SUGCT: variants seen among roughly 807,000 people sequenced by gnomAD.
SUGCT encodes the protein succinyl-CoA:glutarate-CoA transferase, also known as succinyl-CoA:glutarate CoA-transferase.
SUGCT carries 41 observed loss-of-function variants against 55.0 expected under a neutral mutation model. The observed-to-expected ratio is 0.74, with a 90% CI of 0.58 to 0.97. The LOEUF is 0.97. SUGCT is among the 50% of genes least tolerant of loss of function. The pLI is 0.00. For synonymous variants in SUGCT, 187 were observed against 200.4 expected, an observed-to-expected ratio of 0.93 and a Z score of 0.56; for missense variants, 568 against 547.8, an observed-to-expected ratio of 1.04 and a Z score of -0.37.
intron 9 of SUGCT, among the ~76,000 whole-genome samples, chr7:40,352,147 T>C (rs1797666105): frequency 2.0e-5 from 3 of 152,262 alleles, no homozygotes; most frequent in Admixed American, 2.0e-4. Flanking sequence ...GTCTGCTTTT[T>C]TTCAAAAGAA....
rs117753034 is a variant in SUGCT, at chr7:40,491,509, T to C, written c.987-4775T>C. On this transcript the variant is annotated intron_variant, in intron 11 of 13. Coordinates refer to ENST00000335693, the MANE Select transcript of SUGCT (RefSeq NM_001193313.2). ...GGTCATGATATCATGGGGATGCTAA[T>C]GCATCTGAATGGAATTATCCTATGA... Among the ~76,000 whole-genome samples the C allele has an allele frequency of 6.7e-3, 1,015 of 152,118 alleles. 3 individuals carry two copies. Among genetic ancestry groups the C allele is most frequent in the Non-Finnish European group, 0.011 (757 of 68,004 alleles).
intron 9 of SUGCT, among the ~76,000 whole-genome samples, chr7:40,323,091 A>T (rs573516269): frequency 1.3e-5 from 2 of 151,560 alleles, no homozygotes; most frequent in Non-Finnish European, 2.9e-5. Context: ...CACCTGGACA[A>T]TTTTCCCATA....
chr7:40,785,959 G>T (rs1312996365), intron 13 of SUGCT, among the ~76,000 whole-genome samples: 1 of 152,038 alleles, frequency 6.6e-6, no homozygotes, highest in Admixed American at 6.6e-5. Flanking sequence ...ATTAGCTAAT[G>T]GTGGTAATGC....
chr7:40,601,427 A>T (rs957502867), intron 12 of SUGCT, among the ~76,000 whole-genome samples: 9 of 152,184 alleles, frequency 5.9e-5, no homozygotes, highest in Non-Finnish European at 1.2e-4. Flanking sequence ...CATGTAATGG[A>T]TTTCTGAGTG....
chr7:40,424,274 G>C (rs1787468738), intron 9 of SUGCT, among the ~76,000 whole-genome samples: 1 of 152,242 alleles, frequency 6.6e-6, no homozygotes, highest in Middle Eastern at 3.4e-3. Flanking sequence ...AATTGAGATG[G>C]TGACAAAAGT....
intron 12 of SUGCT, among the ~76,000 whole-genome samples, chr7:40,742,431 C>A (rs987559858): frequency 6.6e-6 from 1 of 152,074 alleles, no homozygotes; most frequent in Non-Finnish European, 1.5e-5. Context: ...CAGGATGATT[C>A]AAGGGTATTA....
intron 12 of SUGCT, among the ~76,000 whole-genome samples, chr7:40,497,990 A>G (rs895837794): frequency 6.6e-6 from 1 of 152,134 alleles, no homozygotes; most frequent in Non-Finnish European, 1.5e-5. Context: ...TGAATATAGG[A>G]TAATTAGGAT....
intron 9 of SUGCT, among the ~76,000 whole-genome samples, chr7:40,375,484 C>G (rs1261253109): frequency 6.6e-6 from 1 of 152,076 alleles, no homozygotes; most frequent in African/African-American, 2.4e-5. Context: ...GAGTTTCTCT[C>G]CTACTCCCCA....
At chr7:40,881,141 G>A in the SUGCT span, among the ~76,000 whole-genome samples, 5 of 152,110 alleles carry the variant, frequency 3.3e-5, no homozygotes, top group Non-Finnish European at 5.9e-5. Flanking sequence ...TCATGTTTTC[G>A]TGGGTAACAT....
At chr7:40,354,660 A>T (rs1401365636) in intron 9 of SUGCT, among the ~76,000 whole-genome samples, 1 of 152,218 alleles carries the variant, frequency 6.6e-6, no homozygotes, top group African/African-American at 2.4e-5. Context: ...AAATAAAATA[A>T]CCAGGAGATC....
intron 12 of SUGCT, among the ~76,000 whole-genome samples, chr7:40,558,212 G>A (rs1029307091): frequency 1.3e-5 from 2 of 152,064 alleles, no homozygotes; most frequent in Admixed American, 1.3e-4. Context: ...CAGCTTAGTA[G>A]TTTCTCCAGA....
intron 12 of SUGCT, among the ~76,000 whole-genome samples, chr7:40,550,996 C>A (rs779471772): frequency 7.6e-4 from 115 of 152,286 alleles, no homozygotes; most frequent in Non-Finnish European, 5.6e-4. Flanking sequence ...TGTCAGGTGC[C>A]TGTGGCAGCC....
intron 9 of SUGCT, among the ~76,000 whole-genome samples, chr7:40,443,677 G>C (rs566630570): frequency 2.0e-5 from 3 of 152,270 alleles, no homozygotes; most frequent in African/African-American, 7.2e-5. Flanking sequence ...TAGGTTGCCT[G>C]TTCACTCTGA....
intron 9 of SUGCT, among the ~76,000 whole-genome samples, chr7:40,381,122 C>T (rs1784846653): frequency 6.6e-6 from 1 of 151,972 alleles, no homozygotes; most frequent in African/African-American, 2.4e-5. Context: ...TGTTTTATCT[C>T]TTTAGATTCC....
intron 13 of SUGCT, among the ~76,000 whole-genome samples, chr7:40,830,728 T>C (rs1792617673): frequency 6.6e-6 from 1 of 152,220 alleles, no homozygotes; most frequent in African/African-American, 2.4e-5. Context: ...GACCAGCTCA[T>C]TGCAGCCATT....
At position 40,189,599 on chromosome 7, in the gene SUGCT, A is replaced by T. The variant is rs752951817; in HGVS notation, c.363+5A>T. 6.4e-6 allele frequency: 9 copies of T among 1,408,258 alleles called. No homozygotes were observed. The highest frequency in any genetic ancestry group is 3.6e-4 in the Middle Eastern group (2 of 5,518). The allele number at this position is 1,408,258 out of a possible 1,614,324, so 87.2% of individuals were successfully genotyped here. On this transcript the variant is annotated splice_donor_5th_base_variant and intron_variant, in intron 5 of 13. Coordinates refer to ENST00000335693, the MANE Select transcript of SUGCT (RefSeq NM_001193313.2). ...GGGGTGAAAATCATCAAAGAGGTAC[A>T]GTATGATGTATAGAAAGCATCCTAC...
At chr7:40,889,261 T>C in the SUGCT span, among the ~76,000 whole-genome samples, 1 of 152,028 alleles carries the variant, frequency 6.6e-6, no homozygotes, top group Non-Finnish European at 1.5e-5. Context: ...GGGGGATCAG[T>C]CTGTGGCTTT....
chr7:40,451,465 T>C (rs899027661), intron 10 of SUGCT, among the ~76,000 whole-genome samples: 7 of 152,226 alleles, frequency 4.6e-5, no homozygotes, highest in African/African-American at 1.7e-4. Context: ...CTTATTGTTA[T>C]GGTGTGTTAT....
chr7:40,137,182 C>T (rs796288725), intron 1 of SUGCT, among the ~76,000 whole-genome samples: 5 of 152,044 alleles, frequency 3.3e-5, no homozygotes, highest in Non-Finnish European at 7.4e-5. Flanking sequence ...GGCTGGAGTG[C>T]GGTGGTGAGA....
Sources: allele counts gnomAD v4.1 joint callset (sites outside exome capture counted in the v4.1 genomes callset), GRCh38; gene constraint gnomAD v4.1.1; transcripts MANE v1.5; gene names NCBI Gene and HGNC (gene_info 2026-07-23, HGNC 2026-07-21).